The following FAM13A variants were observed in gnomAD, a reference collection of about 807,000 sequenced individuals.
FAM13A encodes the protein family with sequence similarity 13 member A.
Under a neutral mutation model 129.6 loss-of-function variants are expected in FAM13A, and 76 were observed. The ratio of observed to expected loss-of-function variants is 0.59; its 90% CI spans 0.49 to 0.71. The LOEUF is 0.71. Among genes scored for constraint, FAM13A ranks in the 30% least tolerant of loss-of-function variants. The pLI, the probability that FAM13A is intolerant of heterozygous loss-of-function variation, is 0.00. For synonymous variants in FAM13A, 443 were observed against 449.9 expected (o/e 0.98, Z 0.20); for missense variants, 1,108 against 1,249.3 (o/e 0.89, Z 1.70).
At chr4:89,047,383 G>T (rs1439876120) in intron 1 of FAM13A, among the ~76,000 whole-genome samples, 2 of 151,956 alleles carry the variant, frequency 1.3e-5, no homozygotes, top group East Asian at 1.9e-4. Context: ...AAAATTAAAG[G>T]TTATTATAAA....
chr4:88,837,083 C>T (rs1406307700), intron 7 of FAM13A, among the ~76,000 whole-genome samples: 1 of 151,854 alleles, frequency 6.6e-6, no homozygotes, highest in African/African-American at 2.4e-5. Flanking sequence ...CAACCTCTGC[C>T]TCCAGGGTTT....
intron 11 of FAM13A, among the ~76,000 whole-genome samples, chr4:88,769,105 CAT>C (rs1246384340): frequency 1.3e-5 from 2 of 152,172 alleles, no homozygotes; most frequent in East Asian, 3.9e-4. Context: ...ATGAAAGTAA[CAT>C]ATGTTCATCT....
At chr4:88,868,136 T>G (rs7696391) in intron 6 of FAM13A, among the ~76,000 whole-genome samples, 13,843 of 152,168 alleles carry the variant, frequency 0.091, 1,080 homozygotes, top group African/African-American at 0.22. Flanking sequence ...AATCAATAAA[T>G]ATGCTGCTGT....
rs375224977 is a variant in FAM13A at position 88,880,510 on chromosome 4, G to GAA, written c.843+25867_843+25868dup. On this transcript the variant is annotated intron_variant, in intron 6 of 23. Transcript: ENST00000264344. ...TGGGCAGGACTGCCAAAGGAACTGG[G>GAA]AAAAAAAACCACAGGGAGAAGGAAC... 2.0e-5 allele frequency among the ~76,000 whole-genome samples: 3 copies of GAA among 151,402 alleles called. No individual in the cohort carries two copies. In the East Asian group the frequency reaches 5.8e-4, roughly 29 times the overall value.
intron 6 of FAM13A, among the ~76,000 whole-genome samples, chr4:88,879,145 A>T (rs1017547680): frequency 2.0e-5 from 3 of 152,234 alleles, no homozygotes; most frequent in Non-Finnish European, 4.4e-5. Context: ...AGAACAATTA[A>T]TACAGCCACT....
At chr4:89,036,451 G>T (rs1769399438) in intron 1 of FAM13A, among the ~76,000 whole-genome samples, 1 of 152,174 alleles carries the variant, frequency 6.6e-6, no homozygotes, top group African/African-American at 2.4e-5. Context: ...TGAGCAAAGA[G>T]ATTATCTGAA....
intron 4 of FAM13A, among the ~76,000 whole-genome samples, chr4:88,949,928 A>G (rs1321040320): frequency 6.6e-6 from 1 of 152,216 alleles, no homozygotes; most frequent in Non-Finnish European, 1.5e-5. Context: ...CTCAAGTACT[A>G]CATCAACAAT....
chr4:89,007,644 T>C (rs959136590), intron 3 of FAM13A, among the ~76,000 whole-genome samples: 3 of 152,202 alleles, frequency 2.0e-5, no homozygotes, highest in Non-Finnish European at 4.4e-5. Flanking sequence ...GTCATTGTTA[T>C]ACAGAAATAC....
chr4:88,884,719 C>T (rs1373334531), intron 6 of FAM13A, among the ~76,000 whole-genome samples: 1 of 152,116 alleles, frequency 6.6e-6, no homozygotes, highest in Non-Finnish European at 1.5e-5. Flanking sequence ...TCGCTGTTTG[C>T]TGATGATCTG....
Position 88,790,633 on chromosome 4 carries a change from GA to G in FAM13A, c.1050-7del. 6.2e-7 allele frequency: 1 copy of G among 1,610,382 alleles called. No homozygotes were observed. The highest frequency in any genetic ancestry group is 1.1e-5 in the South Asian group (1 of 90,618). Reference sequence around the variant, plus strand: ...TGACTTGGGGTACATGAGCACTGCAGAAAAGAAGCAAAGAGAAAGTCAGGTT... The same window carrying G: ...TGACTTGGGGTACATGAGCACTGCAGAAAGAAGCAAAGAGAAAGTCAGGTT... On this transcript the variant is annotated splice_polypyrimidine_tract_variant and splice_region_variant and intron_variant, in intron 8 of 23. Coordinates refer to ENST00000264344, the MANE Select transcript of FAM13A (RefSeq NM_014883.4).
chr4:88,806,610 A>G (rs775411725), intron 7 of FAM13A, among the ~76,000 whole-genome samples: 1 of 152,150 alleles, frequency 6.6e-6, no homozygotes, highest in Non-Finnish European at 1.5e-5. Flanking sequence ...CAATTTCAAC[A>G]CTGATCAGCT....
chr4:88,931,249 T>C (rs1423134952), intron 5 of FAM13A, among the ~76,000 whole-genome samples: 1 of 152,110 alleles, frequency 6.6e-6, no homozygotes, highest in East Asian at 1.9e-4. Flanking sequence ...ACTCTCAAAG[T>C]GGCATCCAGA....
intron 4 of FAM13A, among the ~76,000 whole-genome samples, chr4:88,943,145 A>G (rs1755069348): frequency 2.6e-5 from 4 of 152,340 alleles, no homozygotes; most frequent in African/African-American, 9.6e-5. Context: ...TTGTGATCCT[A>G]TTATTGATAA....
At position 89,025,245 on chromosome 4, in the gene FAM13A, G is replaced by GTTT. The variant is rs56710705; in HGVS notation, c.217+4212_217+4214dup. Among the ~76,000 whole-genome samples, 302 of 61,366 alleles carry GTTT rather than the reference G, an allele frequency of 4.9e-3. 56 individuals carry two copies. The highest frequency in any genetic ancestry group is 5.9e-3 in the African/African-American group (109 of 18,480). The allele number at this position is 61,366 out of a possible 152,430, so 40.3% of individuals were successfully genotyped here. The stretch of plus-strand genomic sequence containing the variant: ...GCTAAAGGTTAACCATGGAATCATT[G>GTTT]TTTTTTTTTTTTTTTTTTTTTTTTT... On this transcript the variant is annotated intron_variant, in intron 2 of 23. Coordinates refer to ENST00000264344, the MANE Select transcript of FAM13A (RefSeq NM_014883.4).
intron 6 of FAM13A, among the ~76,000 whole-genome samples, chr4:88,887,616 T>C (rs1303229216): frequency 6.6e-6 from 1 of 151,874 alleles, no homozygotes; most frequent in Non-Finnish European, 1.5e-5. Context: ...CTGCAGCCTT[T>C]GCCTCGAGGG....
intron 23 of FAM13A, 108 bp downstream of exon 23, chr4:88,731,219 A>G: frequency 1.6e-6 from 1 of 635,392 alleles, no homozygotes. Flanking sequence ...GAGGATGCAG[A>G]AGAGTCCCCC....
At chr4:88,987,583 G>A (rs1240554542) in intron 4 of FAM13A, among the ~76,000 whole-genome samples, 3 of 151,964 alleles carry the variant, frequency 2.0e-5, no homozygotes, top group African/African-American at 7.3e-5. Context: ...GGCTGGGCGC[G>A]GTGGCCCACG....
chr4:88,959,291 C>A (rs1003842440), intron 4 of FAM13A, among the ~76,000 whole-genome samples: 1 of 152,084 alleles, frequency 6.6e-6, no homozygotes, highest in Admixed American at 6.5e-5. Context: ...GAATATTTGT[C>A]CCCACCCAAA....
chr4:88,735,972 T>C (rs780734851), intron 21 of FAM13A, among the ~76,000 whole-genome samples: 15 of 152,224 alleles, frequency 9.9e-5, no homozygotes, highest in Non-Finnish European at 1.9e-4. Context: ...ACATTTTGGA[T>C]GTGTTCAAGA....
Sources: allele counts gnomAD v4.1 joint callset (sites outside exome capture counted in the v4.1 genomes callset), GRCh38; gene constraint gnomAD v4.1.1; transcripts MANE v1.5; gene names NCBI Gene and HGNC (gene_info 2026-07-23, HGNC 2026-07-21).